GSK3B: variants seen among roughly 807,000 people sequenced by gnomAD.
GSK3B encodes glycogen synthase kinase 3 beta, also known as glycogen synthase kinase-3 beta.
Under a neutral mutation model 56.4 loss-of-function variants are expected in GSK3B, and 15 were observed. The ratio of observed to expected loss-of-function variants is 0.27; its 90% CI spans 0.18 to 0.41. The LOEUF is 0.41. Ranked by LOEUF, GSK3B falls within the 10% of genes least tolerant of loss-of-function variation. The pLI is 1.00. For missense variants in GSK3B, 300 were observed against 513.4 expected (o/e 0.58, Z 4.02); for synonymous variants, 181 against 188.9 (o/e 0.96, Z 0.34).
At chr3:119,979,570 A>G (rs2057441086) in intron 2 of GSK3B, among the ~76,000 whole-genome samples, 1 of 152,150 alleles carries the variant, frequency 6.6e-6, no homozygotes, top group African/African-American at 2.4e-5. Flanking sequence ...GCTCATGTTC[A>G]TGTCTCTTTC....
chr3:119,977,443 C>G (rs1310474258), intron 2 of GSK3B, among the ~76,000 whole-genome samples: 1 of 152,172 alleles, frequency 6.6e-6, no homozygotes, highest in African/African-American at 2.4e-5. Context: ...AAACTGAACT[C>G]CTCTGACTTG....
At chr3:119,990,504 A>G (rs950303422) in intron 2 of GSK3B, among the ~76,000 whole-genome samples, 1 of 152,234 alleles carries the variant, frequency 6.6e-6, no homozygotes, top group African/African-American at 2.4e-5. Flanking sequence ...AGCTTTCAAA[A>G]TTATTAAGTA....
At chr3:119,974,252 TA>T (rs2057392184) in intron 2 of GSK3B, among the ~76,000 whole-genome samples, 17 of 152,020 alleles carry the variant, frequency 1.1e-4, no homozygotes, top group Admixed American at 9.8e-4. Flanking sequence ...AACTCAACAA[TA>T]AGAAAACCAA....
chr3:119,961,883 A>G (rs2057275872), intron 2 of GSK3B, among the ~76,000 whole-genome samples: 1 of 152,220 alleles, frequency 6.6e-6, no homozygotes, highest in Non-Finnish European at 1.5e-5. Context: ...TTATTATAGA[A>G]TAGGCTATGC....
intron 2 of GSK3B, among the ~76,000 whole-genome samples, chr3:119,978,148 T>C (rs191892295): frequency 1.3e-5 from 2 of 152,154 alleles, no homozygotes; most frequent in African/African-American, 4.8e-5. Flanking sequence ...ATGGCTAAGG[T>C]CAGCATGACC....
At chr3:119,829,863 A>C (rs1253873967) in intron 10 of GSK3B, among the ~76,000 whole-genome samples, 1 of 152,210 alleles carries the variant, frequency 6.6e-6, no homozygotes, top group Non-Finnish European at 1.5e-5. Flanking sequence ...TTATTTTCAA[A>C]TCACTTAATG....
intron 2 of GSK3B, among the ~76,000 whole-genome samples, chr3:119,995,958 A>T (rs568295394): frequency 5.4e-4 from 82 of 152,022 alleles, no homozygotes; most frequent in African/African-American, 2.0e-3. Context: ...GGCTGGTCTC[A>T]AACTCCTGAC....
In GSK3B at chr3:120,010,421, G is replaced by C. The variant is rs142745090; in HGVS notation, c.89-8182C>G. Among the ~76,000 whole-genome samples, 531 of 152,244 alleles carry C rather than the reference G, an allele frequency of 3.5e-3. 4 individuals carry two copies. The highest frequency in any genetic ancestry group is 0.013 in the African/African-American group (520 of 41,526). ...CTTAAACTCTAAATGAAGAGATCCA[G>C]AAAGGTTAAAATCCAAGGTATTGAA... On this transcript the variant is annotated intron_variant, in intron 1 of 10. Transcript: ENST00000264235.
intron 2 of GSK3B, among the ~76,000 whole-genome samples, chr3:119,961,232 G>A (rs921273689): frequency 6.6e-6 from 1 of 152,074 alleles, no homozygotes; most frequent in Non-Finnish European, 1.5e-5. Flanking sequence ...CACAGGGCCA[G>A]GCTTGAAAAT....
At chr3:119,985,990 T>C (rs571922815) in intron 2 of GSK3B, among the ~76,000 whole-genome samples, 7 of 152,264 alleles carry the variant, frequency 4.6e-5, no homozygotes, top group South Asian at 2.1e-4. Context: ...AACAGATATA[T>C]AGACCAATGG....
chr3:119,980,633 C>A (rs1161630247), intron 2 of GSK3B, among the ~76,000 whole-genome samples: 2 of 152,156 alleles, frequency 1.3e-5, no homozygotes, highest in South Asian at 2.1e-4. Flanking sequence ...GCATTACAGG[C>A]GTGAGACACC....
intron 1 of GSK3B, among the ~76,000 whole-genome samples, chr3:120,039,098 A>T (rs1418622371): frequency 6.6e-6 from 1 of 152,254 alleles, no homozygotes; most frequent in African/African-American, 2.4e-5. Flanking sequence ...GATGCTCAAC[A>T]TCATATGTCA....
intron 1 of GSK3B, among the ~76,000 whole-genome samples, chr3:120,042,522 A>C (rs758817476): frequency 2.0e-5 from 3 of 152,200 alleles, no homozygotes; most frequent in Non-Finnish European, 2.9e-5. Context: ...GACCATTCCA[A>C]AGTACCCAAA....
At chr3:119,954,404 G>T (rs1416190358) in intron 2 of GSK3B, among the ~76,000 whole-genome samples, 5 of 124,004 alleles carry the variant, frequency 4.0e-5, no homozygotes, top group Admixed American at 7.4e-5. Flanking sequence ...TACAGTAAGG[G>T]TTTTTTTCAT....
At chr3:120,091,413 T>C (rs758565207) in intron 1 of GSK3B, among the ~76,000 whole-genome samples, 4 of 152,182 alleles carry the variant, frequency 2.6e-5, no homozygotes, top group African/African-American at 7.2e-5. Context: ...TTTTCATCTA[T>C]ATATTTTACA....
intron 1 of GSK3B, among the ~76,000 whole-genome samples, chr3:120,074,677 C>T (rs1042785570): frequency 6.6e-5 from 10 of 151,986 alleles, no homozygotes; most frequent in African/African-American, 2.4e-4. Context: ...GAAAAGAATA[C>T]CTAAAAAAGT....
intron 3 of GSK3B, among the ~76,000 whole-genome samples, chr3:119,940,110 TTGTGTGTGTG>T (rs56939160): frequency 6.7e-5 from 10 of 149,050 alleles, no homozygotes; most frequent in South Asian, 2.1e-4. Flanking sequence ...GTGTGTGTGT[TTGTGTGTGTG>T]TGTGTGTGTG....
At chr3:119,875,109 C>T (rs1002813491) in intron 8 of GSK3B, among the ~76,000 whole-genome samples, 7 of 152,064 alleles carry the variant, frequency 4.6e-5, no homozygotes, top group Non-Finnish European at 8.8e-5. Context: ...GAGGCAAGAT[C>T]GTGGTCTGTT....
In GSK3B at chr3:119,921,821, T is replaced by C. The variant is rs1290971714; in HGVS notation, c.477+1552A>G. On this transcript the variant is annotated intron_variant, in intron 4 of 10. Coordinates refer to ENST00000264235, the MANE Select transcript of GSK3B (RefSeq NM_001146156.2). ...CCATTTATTTTCATAGGTATGACAA[T>C]GGTAATTTAATTACATTTTAAAAAA... is the stretch of plus-strand genomic sequence containing the variant. Among the ~76,000 whole-genome samples the C allele has an allele frequency of 2.0e-5, 3 of 152,136 alleles. No homozygotes were observed. The East Asian group carries it at 5.8e-4, about 29-fold the overall frequency.
Sources: allele counts gnomAD v4.1 joint callset (sites outside exome capture counted in the v4.1 genomes callset), GRCh38; gene constraint gnomAD v4.1.1; transcripts MANE v1.5; gene names NCBI Gene and HGNC (gene_info 2026-07-23, HGNC 2026-07-21).